ACOXL: variants seen among roughly 807,000 people sequenced by gnomAD.
ACOXL encodes acyl-coenzyme A oxidase-like protein.
In ACOXL, 70 loss-of-function variants were observed where a neutral mutation model predicts 71.9. The ratio of observed to expected loss-of-function variants is 0.97; its 90% confidence interval spans 0.80 to 1.19. ACOXL has a LOEUF of 1.19. Ranked by LOEUF, ACOXL falls within the 50% of genes most tolerant of loss-of-function variation. The probability of loss-of-function intolerance (pLI) is 0.00; values close to 1 mark genes in which losing one functional copy is unlikely to be tolerated. For synonymous variants in ACOXL, 253 were observed against 281.6 expected, an observed-to-expected ratio of 0.90 and a Z score of 1.02; for missense variants, 703 against 736.3, an observed-to-expected ratio of 0.95 and a Z score of 0.52.
At position 110,775,665 on chromosome 2, in the gene ACOXL, C is replaced by A. The variant is rs558768699; in HGVS notation, c.75+7201C>A. On this transcript the variant is annotated intron_variant, in intron 2 of 17. Transcript: ENST00000439055. ...ATGCCCAACGTCACTAATCATTAGG[C>A]AAATACAAATCACAACCACAATGAG... 3.6e-3 allele frequency among the ~76,000 whole-genome samples: 544 copies of A among 152,174 alleles called. 1 individual carries two copies. Among genetic ancestry groups the A allele is most frequent in the Non-Finnish European group, 6.6e-3 (449 of 68,000 alleles).
chr2:110,854,135 G>T (rs1007604900), intron 10 of ACOXL, among the ~76,000 whole-genome samples: 2 of 152,134 alleles, frequency 1.3e-5, no homozygotes, highest in African/African-American at 4.8e-5. Context: ...GTGTGTGTGT[G>T]TCTGTTTGCA....
intron 17 of ACOXL, among the ~76,000 whole-genome samples, chr2:111,105,780 T>A (rs2069498533): frequency 6.6e-6 from 1 of 152,178 alleles, no homozygotes; most frequent in South Asian, 2.1e-4. Context: ...TAGACAAACA[T>A]GTTATCTGCA....
intron 11 of ACOXL, 121 bp from the exon 12 acceptor site, chr2:110,933,368 T>C: frequency 1.6e-6 from 2 of 1,243,554 alleles, no homozygotes; most frequent in Non-Finnish European, 2.2e-6. Flanking sequence ...GTTTAAAATC[T>C]GCATCACTGA....
intron 10 of ACOXL, among the ~76,000 whole-genome samples, chr2:110,892,112 G>A (rs1697991776): frequency 6.6e-6 from 1 of 152,074 alleles, no homozygotes; most frequent in Non-Finnish European, 1.5e-5. Flanking sequence ...AATGCTTTTT[G>A]TAAAAATAAC....
intron 10 of ACOXL, among the ~76,000 whole-genome samples, chr2:110,903,682 C>T (rs1488513920): frequency 6.6e-6 from 1 of 152,198 alleles, no homozygotes; most frequent in East Asian, 1.9e-4. Context: ...AGATCATAAA[C>T]TGGAACAATA....
chr2:110,961,739 G>T (rs2061705563), intron 12 of ACOXL, among the ~76,000 whole-genome samples: 1 of 152,182 alleles, frequency 6.6e-6, no homozygotes, highest in Non-Finnish European at 1.5e-5. Context: ...TGGACTCACA[G>T]TTCCACATGG....
intron 12 of ACOXL, among the ~76,000 whole-genome samples, chr2:110,934,358 C>T (rs3789130): frequency 0.27 from 41,573 of 152,100 alleles, 6,600 homozygotes; most frequent in Non-Finnish European, 0.35. Context: ...GCACTTCATT[C>T]GAATGCAAGC....
chr2:110,856,169 G>A (rs1257483602), intron 10 of ACOXL, among the ~76,000 whole-genome samples: 1 of 152,152 alleles, frequency 6.6e-6, no homozygotes, highest in East Asian at 1.9e-4. Context: ...ATGCTAATTG[G>A]TGCATTTTAC....
intron 15 of ACOXL, among the ~76,000 whole-genome samples, chr2:111,045,348 T>A (rs1202406305): frequency 6.6e-6 from 1 of 152,224 alleles, no homozygotes; most frequent in Non-Finnish European, 1.5e-5. Context: ...CAACTTGTCA[T>A]GAGGCTTCTC....
At chr2:110,766,336 T>C (rs995408870) in intron 1 of ACOXL, among the ~76,000 whole-genome samples, 3 of 152,364 alleles carry the variant, frequency 2.0e-5, no homozygotes, top group Non-Finnish European at 2.9e-5. Context: ...GGGTCCCTTG[T>C]TGAGGTATAT....
At chr2:110,800,435 T>G (rs1685830715) in intron 7 of ACOXL, among the ~76,000 whole-genome samples, 1 of 152,196 alleles carries the variant, frequency 6.6e-6, no homozygotes, top group Non-Finnish European at 1.5e-5. Context: ...CTCATTTTAA[T>G]TTGATCACAT....
chr2:110,874,236 G>A (rs1695620471), intron 10 of ACOXL, among the ~76,000 whole-genome samples: 2 of 152,194 alleles, frequency 1.3e-5, no homozygotes, highest in Admixed American at 6.5e-5. Context: ...GGGCTGCCCC[G>A]CTGCAGGGAG....
At chr2:111,062,888 A>C (rs546355062) in intron 16 of ACOXL, among the ~76,000 whole-genome samples, 1 of 152,156 alleles carries the variant, frequency 6.6e-6, no homozygotes, top group Non-Finnish European at 1.5e-5. Flanking sequence ...AGATCTTTTA[A>C]AAGATCAATA....
intron 12 of ACOXL, among the ~76,000 whole-genome samples, chr2:110,978,067 G>T (rs2062537479): frequency 6.6e-6 from 1 of 152,150 alleles, no homozygotes; most frequent in African/African-American, 2.4e-5. Flanking sequence ...CTGGTATGAT[G>T]TGCTTGCTGC....
intron 12 of ACOXL, among the ~76,000 whole-genome samples, chr2:110,958,049 CA>C (rs35899146): frequency 0.1 from 9,826 of 95,996 alleles, 324 homozygotes; most frequent in East Asian, 0.22. Flanking sequence ...GACTCCGTCT[CA>C]AAAAAAAAAA....
At chr2:110,904,489 C>T (rs1240008372) in intron 10 of ACOXL, among the ~76,000 whole-genome samples, 1 of 152,310 alleles carries the variant, frequency 6.6e-6, no homozygotes, top group Non-Finnish European at 1.5e-5. Flanking sequence ...CAGGCTGGGG[C>T]ACCAGAAGAC....
At chr2:110,809,241 T>G (rs1177722890) in intron 9 of ACOXL, among the ~76,000 whole-genome samples, 5 of 152,262 alleles carry the variant, frequency 3.3e-5, no homozygotes, top group Admixed American at 3.3e-4. Flanking sequence ...GTGTACACAC[T>G]CGTGCATTGT....
intron 10 of ACOXL, among the ~76,000 whole-genome samples, chr2:110,876,380 C>T (rs570703115): frequency 2.6e-5 from 4 of 152,276 alleles, no homozygotes; most frequent in South Asian, 4.1e-4. Flanking sequence ...TGTGGTGTGC[C>T]ATGCCCAGGG....
intron 16 of ACOXL, among the ~76,000 whole-genome samples, chr2:111,084,388 C>T (rs1447780936): frequency 2.6e-5 from 4 of 151,644 alleles, no homozygotes; most frequent in African/African-American, 7.3e-5. Flanking sequence ...AGGGCCAAAC[C>T]CCAGCATAAC....
Sources: allele counts gnomAD v4.1 joint callset (sites outside exome capture counted in the v4.1 genomes callset), GRCh38; gene constraint gnomAD v4.1.1; transcripts MANE v1.5; gene names NCBI Gene and HGNC (gene_info 2026-07-23, HGNC 2026-07-21).